Variants in SPAG16 observed in about 807,000 individuals in gnomAD.
SPAG16 encodes sperm-associated antigen 16 protein.
SPAG16 carries 86 observed loss-of-function variants against 80.4 expected under a neutral mutation model. The observed-to-expected ratio is 1.07, with a 90% CI of 0.90 to 1.28. The LOEUF (loss-of-function observed/expected upper bound fraction) is 1.28, where lower values mean the gene tolerates loss of function less well. Ranked by LOEUF, SPAG16 falls within the 50% of genes most tolerant of loss-of-function variation. The probability of loss-of-function intolerance (pLI) is 0.00; values close to 1 mark genes in which losing one functional copy is unlikely to be tolerated. For synonymous variants in SPAG16, 294 were observed against 265.9 expected (o/e 1.11, Z -1.03); for missense variants, 870 against 765.3 (o/e 1.14, Z -1.61).
chr2:213,456,082 G>A (rs2071995034), intron 9 of SPAG16, among the ~76,000 whole-genome samples: 1 of 152,246 alleles, frequency 6.6e-6, no homozygotes, highest in Non-Finnish European at 1.5e-5. Flanking sequence ...GCTCTCAGCA[G>A]TGAGCAGCCA....
intron 15 of SPAG16, among the ~76,000 whole-genome samples, chr2:214,181,666 G>A (rs1225399217): frequency 2.0e-5 from 3 of 151,618 alleles, no homozygotes; most frequent in South Asian, 4.2e-4. Flanking sequence ...ACACATCTAA[G>A]TTTAAATTCC....
chr2:213,554,961 G>A (rs992354178), intron 10 of SPAG16, among the ~76,000 whole-genome samples: 3 of 151,838 alleles, frequency 2.0e-5, no homozygotes, highest in Non-Finnish European at 2.9e-5. Context: ...TTCCAAACCC[G>A]AGAAAGATAA....
chr2:214,193,899 G>T (rs1389486774), intron 15 of SPAG16, among the ~76,000 whole-genome samples: 3 of 152,024 alleles, frequency 2.0e-5, no homozygotes, highest in African/African-American at 4.8e-5. Flanking sequence ...AGATCATTTA[G>T]TTTAATTTCT....
chr2:213,319,891 T>G (rs1229642016), intron 5 of SPAG16, among the ~76,000 whole-genome samples: 1 of 151,968 alleles, frequency 6.6e-6, no homozygotes, highest in East Asian at 1.9e-4. Context: ...AAACATCTTG[T>G]CTTACTAACA....
chr2:214,360,333 T>A (rs1699104169), intron 15 of SPAG16, among the ~76,000 whole-genome samples: 1 of 151,858 alleles, frequency 6.6e-6, no homozygotes, highest in African/African-American at 2.4e-5. Context: ...CTTTAACTCT[T>A]AAATAGCTAT....
At chr2:214,372,197 A>T (rs552670405) in intron 15 of SPAG16, among the ~76,000 whole-genome samples, 2 of 152,238 alleles carry the variant, frequency 1.3e-5, no homozygotes, top group Admixed American at 1.3e-4. Context: ...ATCATATACA[A>T]AGGTGATTAG....
chr2:213,793,466 T>C (rs2070831584), intron 10 of SPAG16, among the ~76,000 whole-genome samples: 1 of 152,142 alleles, frequency 6.6e-6, no homozygotes, highest in Non-Finnish European at 1.5e-5. Context: ...AATAAATAAA[T>C]TGCCAGTCTG....
At chr2:214,320,113 C>T (rs1437527719) in intron 15 of SPAG16, among the ~76,000 whole-genome samples, 1 of 152,106 alleles carries the variant, frequency 6.6e-6, no homozygotes, top group Non-Finnish European at 1.5e-5. Flanking sequence ...AGCTTCATCT[C>T]TTGCTACTTC....
intron 9 of SPAG16, among the ~76,000 whole-genome samples, chr2:213,484,521 G>C (rs1284038357): frequency 6.6e-6 from 1 of 152,158 alleles, no homozygotes; most frequent in Non-Finnish European, 1.5e-5. Context: ...TGAGGGCACA[G>C]AAGCCTAAGC....
intron 11 of SPAG16, among the ~76,000 whole-genome samples, chr2:213,920,721 A>C (rs1452922453): frequency 6.6e-6 from 1 of 152,208 alleles, no homozygotes. Context: ...CTGATGGGCA[A>C]GACCACCATG....
intron 10 of SPAG16, among the ~76,000 whole-genome samples, chr2:213,645,902 G>A (rs936683826): frequency 6.6e-6 from 1 of 152,228 alleles, no homozygotes; most frequent in African/African-American, 2.4e-5. Context: ...CATCTGTGCT[G>A]AGGTTTGAAG....
chr2:213,935,377 G>A (rs550991101), intron 12 of SPAG16, among the ~76,000 whole-genome samples: 2 of 152,214 alleles, frequency 1.3e-5, no homozygotes, highest in East Asian at 3.9e-4. Flanking sequence ...GCTCTGAAGT[G>A]TTCTCAAATT....
At chr2:213,599,190 A>G (rs1001702073) in intron 10 of SPAG16, among the ~76,000 whole-genome samples, 2 of 152,224 alleles carry the variant, frequency 1.3e-5, no homozygotes, top group African/African-American at 4.8e-5. Flanking sequence ...CCTAATGATT[A>G]CAGAGTGAAG....
chr2:213,757,495 T>C (rs528033163), intron 10 of SPAG16, among the ~76,000 whole-genome samples: 2 of 152,288 alleles, frequency 1.3e-5, no homozygotes, highest in African/African-American at 4.8e-5. Context: ...GAAATAGTTA[T>C]AGAAATATGG....
chr2:213,330,802 T>G (rs1013403805), intron 5 of SPAG16, among the ~76,000 whole-genome samples: 1 of 152,150 alleles, frequency 6.6e-6, no homozygotes, highest in African/African-American at 2.4e-5. Flanking sequence ...AGGGACCCAG[T>G]GGGAGGTAAT....
intron 10 of SPAG16, among the ~76,000 whole-genome samples, chr2:213,829,167 G>A (rs2073476089): frequency 6.6e-6 from 1 of 152,170 alleles, no homozygotes; most frequent in African/African-American, 2.4e-5. Context: ...CTGTCTGGGA[G>A]CCAGGGCCTA....
At chr2:214,324,785 C>T (rs761988887) in intron 15 of SPAG16, among the ~76,000 whole-genome samples, 6 of 151,712 alleles carry the variant, frequency 4.0e-5, no homozygotes, top group East Asian at 3.9e-4. Context: ...TCTATGCAGA[C>T]GACTTTTGGA....
intron 10 of SPAG16, among the ~76,000 whole-genome samples, chr2:213,718,663 C>A (rs1033345755): frequency 3.3e-5 from 5 of 152,134 alleles, no homozygotes; most frequent in East Asian, 1.9e-4. Context: ...TGTACTGAGT[C>A]CCCCAGCAGT....
chr2:213,472,780 G>A (rs151327095), intron 9 of SPAG16, among the ~76,000 whole-genome samples: 350 of 152,226 alleles, frequency 2.3e-3, no homozygotes, highest in Admixed American at 5.2e-3. Flanking sequence ...TTAACTGGAG[G>A]ACCACAGTGA....
Sources: allele counts gnomAD v4.1 joint callset (sites outside exome capture counted in the v4.1 genomes callset), GRCh38; gene constraint gnomAD v4.1.1; transcripts MANE v1.5; gene names NCBI Gene and HGNC (gene_info 2026-07-23, HGNC 2026-07-21).